Variants in MYC observed in about 807,000 individuals in gnomAD.
The protein encoded by MYC is MYC proto-oncogene, bHLH transcription factor, also known as myc proto-oncogene protein.
In MYC, 1 loss-of-function variant was observed where a neutral mutation model predicts 30.5. The ratio of observed to expected loss-of-function variants is 0.03; its 90% CI spans 0.01 to 0.16. MYC has a LOEUF of 0.16. Ranked by LOEUF, MYC falls within the 10% of genes least tolerant of loss-of-function variation. The pLI, the probability that MYC is intolerant of heterozygous loss-of-function variation, is 1.00. For missense variants in MYC, 508 were observed against 589.0 expected (o/e 0.86, Z 1.42); for synonymous variants, 267 against 250.7 (o/e 1.07, Z -0.62).
At position 127,736,511 on chromosome 8, in the gene MYC, G is replaced by T; in HGVS notation, c.-83G>T. ...GACGCGACTCTCCCGACGCGGGGAGGCTATTCTGCCCATTTGGGGACACTT... is the reference window on the plus strand; with the variant it reads ...GACGCGACTCTCCCGACGCGGGGAGTCTATTCTGCCCATTTGGGGACACTT... On this transcript the variant is annotated 5_prime_UTR_variant, in exon 1 of 3. Coordinates refer to ENST00000621592, the MANE Select transcript of MYC (RefSeq NM_002467.6). The T allele has an allele frequency of 6.7e-7, 1 of 1,491,530 alleles. No individual in the cohort carries two copies. 92.4% of individuals were successfully genotyped at this position (1,491,530 alleles called of 1,614,324 possible).
intron 2 of MYC, 77 bp downstream of exon 2, chr8:127,739,096 C>T (rs925669403): frequency 7.3e-7 from 1 of 1,361,920 alleles, no homozygotes; most frequent in Non-Finnish European, 9.6e-7. Flanking sequence ...GCTTATTTAA[C>T]GGGCCACTCT....
Position 127,738,113 on chromosome 8 carries a change from A to G in MYC, c.31-135A>G. The G allele has an allele frequency of 5.5e-6, 6 of 1,088,856 alleles. No individual in the cohort carries two copies. Among genetic ancestry groups the G allele is most frequent in the Non-Finnish European group, 7.7e-6 (6 of 775,668 alleles). 67.4% of individuals were successfully genotyped at this position (1,088,856 alleles called of 1,614,324 possible). ...CTCCCTTTATTCCCCCACCAAGACCACCCAGCCGCTTTAGGGGATAGCTCT... is the reference window on the plus strand; with the variant it reads ...CTCCCTTTATTCCCCCACCAAGACCGCCCAGCCGCTTTAGGGGATAGCTCT... On this transcript the variant is annotated intron_variant, in intron 1 of 2. Coordinates refer to ENST00000621592, the MANE Select transcript of MYC (RefSeq NM_002467.6). The surrounding 1 kb of genome is among the most constrained non-coding windows in gnomAD (Gnocchi z 7.6).
At position 127,738,916 on chromosome 8, in the gene MYC, G is replaced by A. The variant is rs2130097507; in HGVS notation, c.699G>A (p.Pro233=). The A allele has an allele frequency of 1.2e-6, 2 of 1,609,718 alleles. No individual in the cohort carries two copies. Among genetic ancestry groups the A allele is most frequent in the Non-Finnish European group, 1.7e-6 (2 of 1,179,940 alleles). Residue 233 remains proline (P), a synonymous_variant, in exon 2 of 3, where the codon CCG becomes CCA. Transcript: ENST00000621592. The surrounding 1 kb of genome is among the most constrained non-coding windows in gnomAD (Gnocchi z 7.6). ...CGCAAGACTCCAGCGCCTTCTCTCC[G>A]TCCTCGGATTCTCTGCTCTCCTCGA... is the stretch of plus-strand genomic sequence containing the variant.
rs959022180 is a variant in MYC, at chr8:127,740,275, T to C, written c.803-121T>C. 1.7e-5 allele frequency: 18 copies of C among 1,050,324 alleles called. No homozygotes were observed. The African/African-American group carries it at 2.4e-4, about 14-fold the overall frequency. 65.1% of individuals were successfully genotyped at this position (1,050,324 alleles called of 1,614,324 possible). A position where few individuals can be genotyped will look rare whatever the true frequency, so the allele number is the denominator to read the frequency against. ...GCTTAGATGTGGCTCTTTGGGGAGA[T>C]AATTTTGTCCAGAGACCTTTCTAAC... On this transcript the variant is annotated intron_variant, in intron 2 of 2. Coordinates refer to ENST00000621592, the MANE Select transcript of MYC (RefSeq NM_002467.6).
At position 127,736,504 on chromosome 8, in the gene MYC, C is replaced by T. The variant is rs190092855; in HGVS notation, c.-90C>T. ...GAGCAAGGACGCGACTCTCCCGACG[C>T]GGGGAGGCTATTCTGCCCATTTGGG... On this transcript the variant is annotated 5_prime_UTR_variant, in exon 1 of 3. Transcript: ENST00000621592. 32 of 1,438,682 alleles carry T rather than the reference C, an allele frequency of 2.2e-5. No homozygotes were observed. The African/African-American group carries it at 2.5e-4, about 11-fold the overall frequency. 89.1% of individuals were successfully genotyped at this position (1,438,682 alleles called of 1,614,324 possible).
rs751465079 is a variant in MYC, at chr8:127,738,838, G to A, written c.621G>A (p.Ser207=). ...CCGCCTCAGAGTGCATCGACCCCTC[G>A]GTGGTCTTCCCCTACCCTCTCAACG... Residue 207 remains serine (S), a synonymous_variant, in exon 2 of 3, where the codon TCG becomes TCA. Transcript: ENST00000621592. The surrounding 1 kb of genome is among the most constrained non-coding windows in gnomAD (Gnocchi z 7.6). 9.3e-6 allele frequency: 15 copies of A among 1,611,990 alleles called. No homozygotes were observed. The highest frequency in any genetic ancestry group is 1.2e-5 in the Non-Finnish European group (14 of 1,179,518).
intron 1 of MYC, among the ~76,000 whole-genome samples, chr8:127,737,294 A>T (rs1813609274): frequency 6.6e-6 from 1 of 152,230 alleles, no homozygotes; most frequent in Admixed American, 6.5e-5. Context: ...AGGCAGGGGA[A>T]AAGGGAGGCG....
In MYC at chr8:127,742,436, T is replaced by C. The variant is rs1052325211; in HGVS notation, c.*1478T>C. ...AGTTACAGTCCAGTGGGTTATGTTTTTTAAGTCTCAACATCTAAGCCTGGT... is the reference window on the plus strand; with the variant it reads ...AGTTACAGTCCAGTGGGTTATGTTTCTTAAGTCTCAACATCTAAGCCTGGT... On this transcript the variant is annotated 3_prime_UTR_variant, in exon 3 of 3. Coordinates refer to ENST00000621592, the MANE Select transcript of MYC (RefSeq NM_002467.6). 1.3e-5 allele frequency among the ~76,000 whole-genome samples: 2 copies of C among 152,234 alleles called. No individual in the cohort carries two copies. Among genetic ancestry groups the C allele is most frequent in the Non-Finnish European group, 2.9e-5 (2 of 68,036 alleles).
At chr8:127,736,114 C>G, upstream of MYC, 1 of 424,824 alleles carries the variant, frequency 2.4e-6, no homozygotes, top group Non-Finnish European at 4.1e-6. Context: ...CGGGCCCCGG[C>G]CGTCCCTGGC....
At chr8:127,739,910 T>G (rs1813678861) in intron 2 of MYC, among the ~76,000 whole-genome samples, 1 of 152,036 alleles carries the variant, frequency 6.6e-6, no homozygotes, top group African/African-American at 2.4e-5. Context: ...GTCTTTCCCT[T>G]TATGAGACTC....
chr8:127,735,672 C>CGCGTG (rs772734455), upstream of MYC: 2 of 398,958 alleles, frequency 5.0e-6, no homozygotes, highest in Non-Finnish European at 4.4e-6. Flanking sequence ...GCCTGGTACG[C>CGCGTG]GCGTGGCGTG....
At position 127,742,147 on chromosome 8, in the gene MYC, C is replaced by A. The variant is rs973440966; in HGVS notation, c.*1189C>A. ...CCTAATGGACAGACTCAAGTCATAA[C>A]AATGCTAAGCTCTATTTGTGTCCCA... On this transcript the variant is annotated 3_prime_UTR_variant, in exon 3 of 3. Transcript: ENST00000621592. Among the ~76,000 whole-genome samples the A allele has an allele frequency of 2.6e-5, 4 of 152,206 alleles. No individual in the cohort carries two copies. Among genetic ancestry groups the A allele is most frequent in the Admixed American group, 6.5e-5 (1 of 15,284 alleles).
At position 127,741,060 on chromosome 8, in the gene MYC, T is replaced by C; in HGVS notation, c.*102T>C. On this transcript the variant is annotated 3_prime_UTR_variant, in exon 3 of 3. Transcript: ENST00000621592. ...TCAAATGCAACCTCACAACCTTGGC[T>C]GAGTCTTGAGACTGAAAGATTTAGC... The C allele has an allele frequency of 2.1e-5, 23 of 1,109,924 alleles. No individual in the cohort carries two copies. Among genetic ancestry groups the C allele is most frequent in the Non-Finnish European group, 2.7e-5 (22 of 818,496 alleles). 68.8% of individuals were successfully genotyped at this position (1,109,924 alleles called of 1,614,324 possible).
intron 1 of MYC, among the ~76,000 whole-genome samples, chr8:127,737,633 G>T (rs1813617465): frequency 6.7e-6 from 1 of 149,110 alleles, no homozygotes; most frequent in African/African-American, 2.5e-5. Flanking sequence ...TCCAGCCGGC[G>T]AGAGAAAGAA....
In MYC at chr8:127,736,384, T is replaced by G. The variant is rs1813589581; in HGVS notation, c.-210T>G. The G allele has an allele frequency of 1.6e-6, 1 of 614,886 alleles. No homozygotes were observed. Among genetic ancestry groups the G allele is most frequent in the Non-Finnish European group, 2.9e-6 (1 of 348,250 alleles). The allele number at this position is 614,886 out of a possible 1,614,324, so 38.1% of individuals were successfully genotyped here. A position where few individuals can be genotyped will look rare whatever the true frequency, so the allele number is the denominator to read the frequency against. On this transcript the variant is annotated 5_prime_UTR_variant, in exon 1 of 3. Transcript: ENST00000621592. Reference sequence around the variant, plus strand: ...TTCGCCTCTGGCCCAGCCCTCCCGCTGATCCCCCAGCCAGCGGTCCGCAAC... The same window carrying G: ...TTCGCCTCTGGCCCAGCCCTCCCGCGGATCCCCCAGCCAGCGGTCCGCAAC...
In MYC at chr8:127,736,640, A is replaced by C; in HGVS notation, c.30+17A>C. On this transcript the variant is annotated intron_variant, in intron 1 of 2. Coordinates refer to ENST00000621592, the MANE Select transcript of MYC (RefSeq NM_002467.6). Reference sequence around the variant, plus strand: ...GAAAACCAGGTAAGCACCGAAGTCCACTTGCCTTTTAATTTATTTTTTTAT... The same window carrying C: ...GAAAACCAGGTAAGCACCGAAGTCCCCTTGCCTTTTAATTTATTTTTTTAT... The C allele has an allele frequency of 6.2e-7, 1 of 1,613,614 alleles. No individual in the cohort carries two copies. Among genetic ancestry groups the C allele is most frequent in the Non-Finnish European group, 8.5e-7 (1 of 1,179,566 alleles).
rs2130083849 is a variant in MYC at position 127,736,557 on chromosome 8, G to A, written c.-37G>A. The A allele has an allele frequency of 1.2e-6, 2 of 1,613,556 alleles. No individual in the cohort carries two copies. The highest frequency in any genetic ancestry group is 1.7e-6 in the Non-Finnish European group (2 of 1,179,820). ...CACTTCCCCGCCGCTGCCAGGACCC[G>A]CTTCTCTGAAAGGCTCTCCTTGCAG... On this transcript the variant is annotated 5_prime_UTR_variant, in exon 1 of 3. Coordinates refer to ENST00000621592, the MANE Select transcript of MYC (RefSeq NM_002467.6).
chr8:127,735,822 G>C (rs117576103), upstream of MYC: 1 of 399,014 alleles, frequency 2.5e-6, no homozygotes, highest in South Asian at 1.3e-4. Context: ...GTTTGAGAGG[G>C]AGCAAAAGAA....
rs2130102419 is a variant in MYC at position 127,740,452 on chromosome 8, G to A, written c.859G>A (p.Ala287Thr). The A allele has an allele frequency of 6.2e-7, 1 of 1,614,070 alleles. No individual in the cohort carries two copies. The highest frequency in any genetic ancestry group is 1.1e-5 in the South Asian group (1 of 91,066). Residue 287 changes from alanine (A) to threonine (T), a missense_variant, in exon 3 of 3, where the codon GCT becomes ACT. By Grantham distance (58) the Ala-to-Thr change is moderately conservative. This residue lies in a region of MYC where 364 missense variants were observed against 381.1 expected (regional missense o/e 0.96). Transcript: ENST00000621592. ...TGTTGTTTCTGTGGAAAAGAGGCAG[G>A]CTCCTGGCAAAAGGTCAGAGTCTGG...
Sources: allele counts gnomAD v4.1 joint callset (sites outside exome capture counted in the v4.1 genomes callset), GRCh38; gene constraint gnomAD v4.1.1; regional missense constraint gnomAD v4.1.1; non-coding constraint Gnocchi (gnomAD v3.1); transcripts MANE v1.5; gene names NCBI Gene and HGNC (gene_info 2026-07-23, HGNC 2026-07-21).